GPHN: variants seen among roughly 807,000 people sequenced by gnomAD.
GPHN encodes gephyrin.
Under a neutral mutation model 95.5 loss-of-function variants are expected in GPHN, and 17 were observed. The observed-to-expected ratio is 0.18, with a 90% CI of 0.12 to 0.27. The LOEUF (loss-of-function observed/expected upper bound fraction) is 0.27. Among genes scored for constraint, GPHN ranks in the 10% least tolerant of loss-of-function variants. The pLI is 1.00. For synonymous variants in GPHN, 320 were observed against 322.5 expected, an observed-to-expected ratio of 0.99 and a Z score of 0.08; for missense variants, 660 against 978.1, an observed-to-expected ratio of 0.67 and a Z score of 4.34.
rs185342706 is a variant in GPHN at position 66,691,511 on chromosome 14, A to T, written c.143+10326A>T. On this transcript the variant is annotated intron_variant, in intron 2 of 22. Transcript: ENST00000478722. ...GAACATTTTTAAGTGATTAAAAAAA[A>T]TTTTTAATGAATATTTTATAGTACA... 3.8e-3 allele frequency among the ~76,000 whole-genome samples: 573 copies of T among 152,214 alleles called. 11 individuals are homozygous for T. The highest frequency in any genetic ancestry group is 0.013 in the African/African-American group (531 of 41,552).
the GPHN span, among the ~76,000 whole-genome samples, chr14:67,213,099 T>G: frequency 3.3e-5 from 5 of 151,216 alleles, 1 homozygote; most frequent in African/African-American, 9.7e-5. Context: ...TGTGGTGTTT[T>G]TTTTTTTTTT....
chr14:66,728,066 G>A (rs1205690403), intron 2 of GPHN, among the ~76,000 whole-genome samples: 1 of 152,086 alleles, frequency 6.6e-6, no homozygotes, highest in South Asian at 2.1e-4. Flanking sequence ...GGCTAACAGG[G>A]GCCAAGGTAA....
At chr14:67,089,676 C>A (rs1183672270) in intron 12 of GPHN, among the ~76,000 whole-genome samples, 1 of 152,124 alleles carries the variant, frequency 6.6e-6, no homozygotes, top group Non-Finnish European at 1.5e-5. Flanking sequence ...TTGAGGTGGT[C>A]TGTTCTGCTT....
chr14:67,022,063 C>G (rs2073660560), intron 9 of GPHN, among the ~76,000 whole-genome samples: 2 of 151,894 alleles, frequency 1.3e-5, no homozygotes, highest in Admixed American at 1.3e-4. Flanking sequence ...TAGTTTCTCT[C>G]TTTATTAAGC....
At chr14:67,080,490 T>A (rs1250212985) in intron 11 of GPHN, among the ~76,000 whole-genome samples, 1 of 152,168 alleles carries the variant, frequency 6.6e-6, no homozygotes, top group Non-Finnish European at 1.5e-5. Flanking sequence ...CATTGCCACA[T>A]TGAATGTCAT....
At chr14:67,035,376 G>A (rs1421914347) in intron 10 of GPHN, among the ~76,000 whole-genome samples, 1 of 151,382 alleles carries the variant, frequency 6.6e-6, no homozygotes, top group Non-Finnish European at 1.5e-5. Context: ...GGAGAAAGAA[G>A]GAAATAATAA....
At chr14:67,134,721 T>G (rs2079936344) in intron 17 of GPHN, among the ~76,000 whole-genome samples, 1 of 152,124 alleles carries the variant, frequency 6.6e-6, no homozygotes, top group Admixed American at 6.5e-5. Flanking sequence ...CTTTATTCTT[T>G]TTTTTAACAT....
At chr14:67,459,208 T>A in the GPHN span, among the ~76,000 whole-genome samples, 1 of 151,788 alleles carries the variant, frequency 6.6e-6, no homozygotes, top group East Asian at 1.9e-4. Context: ...TTTTTTAAAT[T>A]TTTTTTGTAG....
chr14:66,533,459 C>T (rs180967251), intron 1 of GPHN, among the ~76,000 whole-genome samples: 27 of 152,244 alleles, frequency 1.8e-4, no homozygotes, highest in Admixed American at 5.9e-4. Flanking sequence ...AGCTAAAATA[C>T]AGAATGAAAT....
At chr14:66,919,674 G>A (rs771324504) in intron 6 of GPHN, among the ~76,000 whole-genome samples, 1 of 152,170 alleles carries the variant, frequency 6.6e-6, no homozygotes, top group Non-Finnish European at 1.5e-5. Context: ...GTTCCTGAGT[G>A]CCTTGGATAT....
chr14:67,507,949 A>C, the GPHN span, among the ~76,000 whole-genome samples: 1 of 152,036 alleles, frequency 6.6e-6, no homozygotes, highest in East Asian at 1.9e-4. Context: ...GACCAGCCTG[A>C]CCAACATGGA....
At position 66,742,160 on chromosome 14, in the gene GPHN, T is replaced by A. The variant is rs966778626; in HGVS notation, c.144-34304T>A. Reference sequence around the variant, plus strand: ...CTTGTTAGATTTCAACATTCTTATATCCCCCAGGGTGGTGTCACAAGTGTC... The same window carrying A: ...CTTGTTAGATTTCAACATTCTTATAACCCCCAGGGTGGTGTCACAAGTGTC... On this transcript the variant is annotated intron_variant, in intron 2 of 22. Transcript: ENST00000478722. 4.6e-5 allele frequency among the ~76,000 whole-genome samples: 7 copies of A among 152,186 alleles called. No homozygotes were observed. In the South Asian group the frequency reaches 1.4e-3, roughly 32 times the overall value.
the GPHN span, chr14:67,621,105 C>A: frequency 1.3e-6 from 1 of 760,168 alleles, no homozygotes; most frequent in South Asian, 1.6e-5. Flanking sequence ...TGGATTCCGT[C>A]TGCGGCTTAA....
At chr14:67,082,140 G>T (rs555684123) in intron 11 of GPHN, among the ~76,000 whole-genome samples, 2 of 152,190 alleles carry the variant, frequency 1.3e-5, no homozygotes, top group African/African-American at 2.4e-5. Flanking sequence ...GTGAAGAATG[G>T]TGGTGGTATT....
At chr14:67,578,168 G>A in the GPHN span, 1 of 1,613,934 alleles carries the variant, frequency 6.2e-7, no homozygotes, top group Non-Finnish European at 8.5e-7. This position sits in a 1 kb window ranked among gnomAD's most constrained non-coding sequence, Gnocchi z 5.0. Context: ...CAGACCAGCT[G>A]CCGCCCACCT....
At chr14:67,279,673 T>G in the GPHN span, 1 of 824,020 alleles carries the variant, frequency 1.2e-6, no homozygotes, top group Non-Finnish European at 1.8e-6. Context: ...TCCTTTGTTT[T>G]CGTGGAAACG....
At chr14:67,002,939 C>G (rs554599207) in intron 9 of GPHN, among the ~76,000 whole-genome samples, 11 of 151,746 alleles carry the variant, frequency 7.2e-5, no homozygotes, top group Non-Finnish European at 4.4e-5. Context: ...CAAGTATTAG[C>G]TCCACTATCA....
At chr14:67,731,235 G>A in the GPHN span, among the ~76,000 whole-genome samples, 5 of 103,582 alleles carry the variant, frequency 4.8e-5, no homozygotes, top group Non-Finnish European at 7.1e-5. Context: ...TTTTTTTGGA[G>A]ACATAGTCTC....
chr14:66,849,711 C>T (rs952210767), intron 4 of GPHN, among the ~76,000 whole-genome samples: 15 of 151,958 alleles, frequency 9.9e-5, no homozygotes, highest in Admixed American at 7.9e-4. Context: ...TTATAAACTG[C>T]CCAGGTTTTC....
Sources: gnomAD v4.1 joint callset for allele counts (sites outside exome capture counted in the v4.1 genomes callset) on GRCh38, gnomAD v4.1.1 for gene constraint, Gnocchi (gnomAD v3.1) non-coding constraint, MANE v1.5 for transcripts, NCBI Gene and HGNC (gene_info 2026-07-23, HGNC 2026-07-21) for gene names.